Variants in NHSL1 observed in about 807,000 individuals in gnomAD.
NHSL1 encodes NHS like 1, also known as NHS-like protein 1.
Under a neutral mutation model 95.0 loss-of-function variants are expected in NHSL1, and 48 were observed. That is an observed-to-expected ratio of 0.51 (90% CI 0.40 to 0.64). The LOEUF (loss-of-function observed/expected upper bound fraction) is 0.64. NHSL1 is among the 30% of genes least tolerant of loss of function. The pLI is 0.00. For missense variants in NHSL1, 1,971 were observed against 2,077.7 expected (o/e 0.95, Z 1.00); for synonymous variants, 783 against 833.9 (o/e 0.94, Z 1.05).
intron 1 of NHSL1, among the ~76,000 whole-genome samples, chr6:138,624,111 G>A (rs921062812): frequency 2.6e-5 from 4 of 152,096 alleles, no homozygotes; most frequent in African/African-American, 9.7e-5. Context: ...AATACAAGAG[G>A]TCATCAAAGA....
intron 1 of NHSL1, among the ~76,000 whole-genome samples, chr6:138,674,325 T>C (rs9495200): frequency 0.092 from 14,069 of 152,210 alleles, 915 homozygotes; most frequent in African/African-American, 0.18. Context: ...GTGTGTTTTT[T>C]TTTAAGTTTC....
At chr6:138,472,405 C>T (rs1778811835) in intron 3 of NHSL1, among the ~76,000 whole-genome samples, 1 of 152,102 alleles carries the variant, frequency 6.6e-6, no homozygotes, top group South Asian at 2.1e-4. Flanking sequence ...TGCCACAATG[C>T]CTGGCTTAAT....
upstream of NHSL1, among the ~76,000 whole-genome samples, chr6:138,502,500 A>C (rs1258147710): frequency 2.0e-5 from 3 of 152,142 alleles, no homozygotes; most frequent in African/African-American, 7.2e-5. Context: ...AAGTTTTTAT[A>C]AAGATAGGGT....
intron 1 of NHSL1, among the ~76,000 whole-genome samples, chr6:138,586,461 A>G (rs1416655889): frequency 6.6e-6 from 1 of 152,224 alleles, no homozygotes; most frequent in Non-Finnish European, 1.5e-5. Flanking sequence ...ATAGCAGGGT[A>G]TAGCCTACAC....
intron 1 of NHSL1, among the ~76,000 whole-genome samples, chr6:138,550,936 A>G (rs928755871): frequency 6.6e-5 from 10 of 152,176 alleles, no homozygotes; most frequent in Non-Finnish European, 1.2e-4. Flanking sequence ...GTTTCACCTC[A>G]GCTGCAAAGT....
chr6:138,580,380 G>A (rs1469169625), intron 1 of NHSL1, among the ~76,000 whole-genome samples: 4 of 152,198 alleles, frequency 2.6e-5, no homozygotes, highest in African/African-American at 7.2e-5. Flanking sequence ...GTAGGCCTGA[G>A]TCAAGCCTCT....
chr6:138,499,118 C>T, intron 1 of NHSL1, 115 bp downstream of exon 1: 1 of 712,886 alleles, frequency 1.4e-6, no homozygotes, highest in Non-Finnish European at 2.3e-6. Context: ...AACGAAGGAC[C>T]TAAAACACAC....
intron 2 of NHSL1, among the ~76,000 whole-genome samples, chr6:138,482,305 G>A (rs911630757): frequency 6.6e-6 from 1 of 152,120 alleles, no homozygotes; most frequent in Non-Finnish European, 1.5e-5. Flanking sequence ...AATTAGCTGG[G>A]CGTGGTGGCG....
intron 1 of NHSL1, among the ~76,000 whole-genome samples, chr6:138,642,977 G>A (rs1461183111): frequency 2.0e-5 from 3 of 152,086 alleles, no homozygotes; most frequent in Admixed American, 6.6e-5. Context: ...AAACACAAGT[G>A]GTTATTTTCA....
chr6:138,615,153 G>A (rs574182294), intron 1 of NHSL1, among the ~76,000 whole-genome samples: 11 of 152,188 alleles, frequency 7.2e-5, no homozygotes, highest in African/African-American at 9.7e-5. Flanking sequence ...GCAGCAGGGC[G>A]TGAGCCAGGT....
chr6:138,569,726 CT>C (rs1200461210), intron 1 of NHSL1, among the ~76,000 whole-genome samples: 1 of 152,112 alleles, frequency 6.6e-6, no homozygotes, highest in African/African-American at 2.4e-5. Flanking sequence ...TAACATTCCC[CT>C]GAGACAAGAT....
At chr6:138,610,265 T>TC (rs1207986384) in intron 1 of NHSL1, among the ~76,000 whole-genome samples, 1 of 152,100 alleles carries the variant, frequency 6.6e-6, no homozygotes. Flanking sequence ...CCAGAGATCA[T>TC]CATTCTCAGC....
intron 1 of NHSL1, among the ~76,000 whole-genome samples, chr6:138,564,854 C>A (rs551846871): frequency 6.6e-6 from 1 of 151,958 alleles, no homozygotes; most frequent in African/African-American, 2.4e-5. Context: ...AGTTTTAAAG[C>A]GAGTCTAGAA....
intron 1 of NHSL1, among the ~76,000 whole-genome samples, chr6:138,669,475 G>A (rs896704538): frequency 6.6e-6 from 1 of 152,148 alleles, no homozygotes; most frequent in South Asian, 2.1e-4. Context: ...GGAAGTAGAG[G>A]TGAATTGATT....
At chr6:138,640,328 T>C (rs1221454845) in intron 1 of NHSL1, among the ~76,000 whole-genome samples, 1 of 152,188 alleles carries the variant, frequency 6.6e-6, no homozygotes, top group Non-Finnish European at 1.5e-5. Context: ...TTCTTAGTAC[T>C]TCTCAGCATT....
intron 1 of NHSL1, among the ~76,000 whole-genome samples, chr6:138,604,942 T>C (rs1339930382): frequency 6.6e-6 from 1 of 152,200 alleles, no homozygotes; most frequent in Non-Finnish European, 1.5e-5. Context: ...AATTTAGTCA[T>C]GACAAATTGT....
At chr6:138,647,127 C>A (rs1198524221) in intron 1 of NHSL1, among the ~76,000 whole-genome samples, 1 of 152,204 alleles carries the variant, frequency 6.6e-6, no homozygotes, top group Non-Finnish European at 1.5e-5. Flanking sequence ...CAGTGAATCA[C>A]CAAAGGACCA....
intron 1 of NHSL1, among the ~76,000 whole-genome samples, chr6:138,527,205 G>T (rs148647177): frequency 1.3e-5 from 2 of 151,808 alleles, no homozygotes; most frequent in East Asian, 3.9e-4. Context: ...ATTTTGTGCA[G>T]ATGAGGATTT....
intron 1 of NHSL1, among the ~76,000 whole-genome samples, chr6:138,672,965 C>T (rs535530810): frequency 3.9e-5 from 6 of 152,062 alleles, no homozygotes; most frequent in South Asian, 2.1e-4. Flanking sequence ...TGCAGTGAGC[C>T]GAGATCGCAC....
Sources: allele counts gnomAD v4.1 joint callset (sites outside exome capture counted in the v4.1 genomes callset), GRCh38; gene constraint gnomAD v4.1.1; transcripts MANE v1.5; gene names NCBI Gene and HGNC (gene_info 2026-07-23, HGNC 2026-07-21).